Variants in TMOD3 observed in about 807,000 individuals in gnomAD.
The protein encoded by TMOD3 is tropomodulin-3.
In TMOD3, 20 loss-of-function variants were observed where a neutral mutation model predicts 39.2. The ratio of observed to expected loss-of-function variants is 0.51; its 90% CI spans 0.36 to 0.74. TMOD3 has a LOEUF of 0.74. Ranked by LOEUF, TMOD3 falls within the 30% of genes least tolerant of loss-of-function variation. TMOD3 has a pLI of 0.00. For missense variants in TMOD3, 381 were observed against 412.8 expected, an observed-to-expected ratio of 0.92 and a Z score of 0.67; for synonymous variants, 143 against 145.8, an observed-to-expected ratio of 0.98 and a Z score of 0.14.
At chr15:51,864,957 G>A (rs1451476149) in intron 2 of TMOD3, among the ~76,000 whole-genome samples, 2 of 152,114 alleles carry the variant, frequency 1.3e-5, no homozygotes, top group African/African-American at 2.4e-5. Flanking sequence ...GCCCCAAGAT[G>A]TCAAAGCATC....
chr15:51,886,123 G>GGCTGC, intron 3 of TMOD3, among the ~76,000 whole-genome samples: 1 of 151,958 alleles, frequency 6.6e-6, no homozygotes, highest in South Asian at 2.1e-4. Flanking sequence ...GTCGGGCAGA[G>GGCTGC]ACGCTCCTCA....
At chr15:51,885,818 G>A (rs887988138) in intron 3 of TMOD3, among the ~76,000 whole-genome samples, 19 of 152,256 alleles carry the variant, frequency 1.2e-4, no homozygotes, top group South Asian at 2.1e-4. Context: ...CCTCCCAGAC[G>A]GGGTGGCGGC....
At chr15:51,837,792 C>T (rs1032549487) in intron 1 of TMOD3, among the ~76,000 whole-genome samples, 6 of 152,156 alleles carry the variant, frequency 3.9e-5, no homozygotes, top group African/African-American at 1.4e-4. Context: ...TAGACATTGG[C>T]CAGCATTCCA....
chr15:51,838,633 T>G (rs2141667438), intron 1 of TMOD3, among the ~76,000 whole-genome samples: 1 of 152,336 alleles, frequency 6.6e-6, no homozygotes, highest in East Asian at 1.9e-4. Context: ...AAAAATAGTA[T>G]GCATTACTGT....
chr15:51,884,210 G>C (rs1015068552), intron 3 of TMOD3, among the ~76,000 whole-genome samples: 2 of 152,152 alleles, frequency 1.3e-5, no homozygotes, highest in African/African-American at 4.8e-5. Context: ...TTATGAAATG[G>C]GGCCATTGGA....
intron 1 of TMOD3, among the ~76,000 whole-genome samples, chr15:51,832,743 T>G (rs1218847655): frequency 1.3e-5 from 2 of 152,000 alleles, no homozygotes; most frequent in Non-Finnish European, 2.9e-5. Flanking sequence ...CGGATAAAAG[T>G]ATACCTGGAT....
chr15:51,885,601 T>A (rs943438879), intron 3 of TMOD3, among the ~76,000 whole-genome samples: 2 of 152,078 alleles, frequency 1.3e-5, no homozygotes, highest in African/African-American at 4.8e-5. Context: ...GAACACGGGG[T>A]TGGGGGCAAG....
rs937601504 is a variant in TMOD3 at position 51,862,733 on chromosome 15, T to C, written c.-74-78T>C. ...ATATATGACACATGGAAATTACATT[T>C]CACTTAACCTGAGAATTAGATCTAA... On this transcript the variant is annotated intron_variant, in intron 1 of 9. Coordinates refer to ENST00000308580, the MANE Select transcript of TMOD3 (RefSeq NM_014547.5). 4 of 587,574 alleles carry C rather than the reference T, an allele frequency of 6.8e-6. No individual in the cohort carries two copies. In the Admixed American group the frequency reaches 1.5e-4, roughly 23 times the overall value. 36.4% of individuals were successfully genotyped at this position (587,574 alleles called of 1,614,324 possible).
intron 1 of TMOD3, among the ~76,000 whole-genome samples, chr15:51,851,429 C>A (rs905327204): frequency 7.9e-5 from 12 of 152,126 alleles, no homozygotes; most frequent in African/African-American, 2.9e-4. Context: ...AACAAAAATA[C>A]ATGTTCTTTG....
chr15:51,846,258 G>T (rs892612105), intron 1 of TMOD3, among the ~76,000 whole-genome samples: 2 of 152,124 alleles, frequency 1.3e-5, no homozygotes, highest in African/African-American at 2.4e-5. Context: ...TTGAGCCCGG[G>T]AGTTTGAGGC....
At chr15:51,851,081 A>G (rs568202770) in intron 1 of TMOD3, among the ~76,000 whole-genome samples, 5 of 152,282 alleles carry the variant, frequency 3.3e-5, no homozygotes, top group African/African-American at 9.6e-5. Flanking sequence ...CCAGAGAGAC[A>G]CAGTCAAAGA....
At chr15:51,864,624 A>C (rs1226061474) in intron 2 of TMOD3, among the ~76,000 whole-genome samples, 1 of 152,222 alleles carries the variant, frequency 6.6e-6, no homozygotes, top group East Asian at 1.9e-4. Flanking sequence ...AGGAACAAGC[A>C]TGGTCCAGAG....
At chr15:51,898,554 A>G (rs1011529032) in intron 7 of TMOD3, among the ~76,000 whole-genome samples, 4 of 152,236 alleles carry the variant, frequency 2.6e-5, no homozygotes, top group East Asian at 1.9e-4. Context: ...TGCTAATCAA[A>G]TAATAGACCA....
At position 51,912,435 on chromosome 15, in the gene TMOD3, A is replaced by C. The variant is rs1022159657; in HGVS notation, c.*3625A>C. The C allele has an allele frequency of 7.4e-6, 1 of 134,902 alleles. No individual in the cohort carries two copies. The highest frequency in any genetic ancestry group is 1.6e-5 in the Non-Finnish European group (1 of 61,956). The allele number at this position is 134,902 out of a possible 1,614,324, so 8.4% of individuals were successfully genotyped here. Reference sequence around the variant, plus strand: ...AGAGTGAAACTCCGTCTCAAAAAAAAAAAAATTTTTTTTTTTTTATAAAAT... The same window carrying C: ...AGAGTGAAACTCCGTCTCAAAAAAACAAAAATTTTTTTTTTTTTATAAAAT... On this transcript the variant is annotated 3_prime_UTR_variant, in exon 10 of 10. Transcript: ENST00000308580.
intron 1 of TMOD3, chr15:51,861,097 C>A: frequency 1.8e-6 from 1 of 570,114 alleles, no homozygotes; most frequent in South Asian, 1.5e-5. Context: ...TGGATCTGTT[C>A]GAAAAGATTA....
At chr15:51,889,551 T>C (rs1443139228) in intron 5 of TMOD3, among the ~76,000 whole-genome samples, 3 of 152,206 alleles carry the variant, frequency 2.0e-5, no homozygotes, top group Non-Finnish European at 4.4e-5. Context: ...TGAAGTATTA[T>C]ATAGCCTAAA....
chr15:51,880,424 C>G (rs1469443592), intron 3 of TMOD3, among the ~76,000 whole-genome samples: 2 of 152,120 alleles, frequency 1.3e-5, no homozygotes, highest in African/African-American at 4.8e-5. Context: ...ACCATCACCA[C>G]AGTCTTAAGT....
Position 51,911,244 on chromosome 15 carries a change from A to G in TMOD3, c.*2434A>G, listed in dbSNP as rs900199178. On this transcript the variant is annotated 3_prime_UTR_variant, in exon 10 of 10. Transcript: ENST00000308580. ...AATATAGGTAAGTGGGACTCTACCT[A>G]AAATTTTGCATCATACTTATGGGTA... 3.3e-5 allele frequency: 5 copies of G among 152,224 alleles called. No homozygotes were observed. Among genetic ancestry groups the G allele is most frequent in the African/African-American group, 1.2e-4 (5 of 41,462 alleles). The allele number at this position is 152,224 out of a possible 1,614,324, so 9.4% of individuals were successfully genotyped here.
intron 2 of TMOD3, among the ~76,000 whole-genome samples, chr15:51,863,584 T>A (rs2056430031): frequency 6.6e-6 from 1 of 152,200 alleles, no homozygotes; most frequent in African/African-American, 2.4e-5. Flanking sequence ...TCTTATAAAT[T>A]ACACAAGGCT....
Sources: gnomAD v4.1 joint callset for allele counts (sites outside exome capture counted in the v4.1 genomes callset) on GRCh38, gnomAD v4.1.1 for gene constraint, MANE v1.5 for transcripts, NCBI Gene and HGNC (gene_info 2026-07-23, HGNC 2026-07-21) for gene names.